Variants in CLCN5 observed in about 807,000 individuals in gnomAD.
CLCN5 encodes the protein Cl-/H+ antiporter 5, also known as H(+)/Cl(-) exchange transporter 5.
CLCN5 carries 17 observed loss-of-function variants against 54.0 expected under a neutral mutation model. The observed-to-expected ratio is 0.31, with a 90% CI of 0.22 to 0.47. The LOEUF (loss-of-function observed/expected upper bound fraction) is 0.47. CLCN5 is among the 20% of genes least tolerant of loss of function. The probability of loss-of-function intolerance (pLI) is 1.00; values close to 1 mark genes in which losing one functional copy is unlikely to be tolerated. For missense variants in CLCN5, 448 were observed against 646.7 expected (o/e 0.69, Z 3.33); for synonymous variants, 222 against 233.0 (o/e 0.95, Z 0.43).
chrX:50,070,829 A>G (rs1323994365), intron 5 of CLCN5, among the ~76,000 whole-genome samples: 1 of 110,999 alleles, frequency 9.0e-6, no homozygotes, highest in East Asian at 2.8e-4. Flanking sequence ...TGCCAAGGTC[A>G]TTTGCCTTTA....
intron 3 of CLCN5, among the ~76,000 whole-genome samples, chrX:50,019,468 C>CTTTTTTT (rs1175073117): frequency 1.3e-4 from 6 of 47,676 alleles, no homozygotes; most frequent in African/African-American, 2.7e-4. Flanking sequence ...TTTTTTTTTT[C>CTTTTTTT]TTTTTTTTTT....
At chrX:50,082,123 G>A (rs1195631635) in intron 9 of CLCN5, among the ~76,000 whole-genome samples, 2 of 111,654 alleles carry the variant, frequency 1.8e-5, no homozygotes, top group Non-Finnish European at 3.8e-5. Flanking sequence ...TGTTCATACT[G>A]TAGAATACTT....
At position 49,997,056 on chromosome X, in the gene CLCN5, T is replaced by A. The variant is rs1174201703; in HGVS notation, c.17-45260T>A. ...CCTCCCCCTCTCTAAATTCTTGCATTTTGCATCACTGCCTTGTATCAGTAG... is the reference window on the plus strand; with the variant it reads ...CCTCCCCCTCTCTAAATTCTTGCATATTGCATCACTGCCTTGTATCAGTAG... On this transcript the variant is annotated intron_variant, in intron 3 of 14. Transcript: ENST00000376091. Among the ~76,000 whole-genome samples the A allele has an allele frequency of 5.4e-5, 6 of 112,046 alleles. No individual in the cohort carries two copies. The East Asian group carries it at 1.7e-3, about 31-fold the overall frequency.
Position 50,093,996 on chromosome X carries a change from AGAATCAGCG to A in CLCN5, c.*1779_*1787del, listed in dbSNP as rs1557195198. 2 of 111,271 alleles carry A rather than the reference AGAATCAGCG, an allele frequency of 1.8e-5. No individual in the cohort carries two copies. Among genetic ancestry groups the A allele is most frequent in the African/African-American group, 6.5e-5 (2 of 30,567 alleles). The allele number at this position is 111,271 out of a possible 1,213,427, so 9.2% of individuals were successfully genotyped here. On this transcript the variant is annotated 3_prime_UTR_variant, in exon 15 of 15. Transcript: ENST00000376091. Reference sequence around the variant, plus strand: ...GCACTTCTCATCATCCTTCCAGCCCAGAATCAGCGGTCATTCTGCATATTCCCACCAACC... The same window carrying A: ...GCACTTCTCATCATCCTTCCAGCCCAGTCATTCTGCATATTCCCACCAACC...
intron 3 of CLCN5, among the ~76,000 whole-genome samples, chrX:49,965,986 G>T (rs1927825381): frequency 9.0e-6 from 1 of 111,447 alleles, no homozygotes; most frequent in Non-Finnish European, 1.9e-5. Context: ...TTTATATATT[G>T]TTGGATTTGC....
chrX:50,078,039 A>G (rs1933516276), intron 7 of CLCN5, among the ~76,000 whole-genome samples: 1 of 102,275 alleles, frequency 9.8e-6, no homozygotes, highest in Non-Finnish European at 2.0e-5. Context: ...AAAAAAAAAA[A>G]AAATCCTCTC....
At chrX:50,063,867 A>T (rs1476432451) in intron 4 of CLCN5, among the ~76,000 whole-genome samples, 2 of 111,343 alleles carry the variant, frequency 1.8e-5, no homozygotes, top group Non-Finnish European at 3.8e-5. Flanking sequence ...ACGCAAATCA[A>T]TAAATGTAAT....
At position 50,092,150 on chromosome X, in the gene CLCN5, C is replaced by G; in HGVS notation, c.2382C>G (p.Thr794=). The G allele has an allele frequency of 8.3e-7, 1 of 1,203,969 alleles. No homozygotes were observed. Among genetic ancestry groups the G allele is most frequent in the Admixed American group, 2.2e-5 (1 of 45,961 alleles). ...TTAGGCGATTGCTTGGAATCATTAC[C>G]AAAAAGGATGTGTTAAAGCATATAG... ...THNGRLLGII[T]KKDVLKHIAQ... is the part of the protein sequence containing the mutation. The change falls in exon 15 of 15, where the codon ACC becomes ACG. Residue 794 remains threonine, a synonymous_variant. Coordinates refer to ENST00000376091, the MANE Select transcript of CLCN5 (RefSeq NM_001127898.4).
intron 3 of CLCN5, among the ~76,000 whole-genome samples, chrX:49,934,964 A>C (rs1200106671): frequency 8.9e-6 from 1 of 111,806 alleles, no homozygotes; most frequent in African/African-American, 3.3e-5. Flanking sequence ...GAATATTCCC[A>C]GGTTGAAATC....
chrX:49,936,505 C>A (rs1557169749), intron 3 of CLCN5, among the ~76,000 whole-genome samples: 1 of 112,049 alleles, frequency 8.9e-6, no homozygotes, highest in Non-Finnish European at 1.9e-5. Context: ...TTGGATGGGG[C>A]AAGGCTAATC....
At chrX:50,007,466 A>C in intron 3 of CLCN5, among the ~76,000 whole-genome samples, 1 of 105,075 alleles carries the variant, frequency 9.5e-6, no homozygotes, top group Non-Finnish European at 1.9e-5. Flanking sequence ...ACACACACAC[A>C]CACACACAGA....
At chrX:50,051,783 A>G (rs907704023) in intron 4 of CLCN5, among the ~76,000 whole-genome samples, 2 of 111,643 alleles carry the variant, frequency 1.8e-5, no homozygotes, top group Non-Finnish European at 3.8e-5. Context: ...ACTATTGTAA[A>G]TAGTATTGCT....
chrX:49,933,486 G>T (rs781883774), intron 3 of CLCN5, among the ~76,000 whole-genome samples: 227 of 112,080 alleles, frequency 2.0e-3, no homozygotes, highest in Non-Finnish European at 3.4e-3. Context: ...CTGAACCCAG[G>T]TCTGCCATTT....
At chrX:50,008,156 A>G (rs1434739701) in intron 3 of CLCN5, among the ~76,000 whole-genome samples, 1 of 112,301 alleles carries the variant, frequency 8.9e-6, no homozygotes, top group Non-Finnish European at 1.9e-5. Context: ...TTCTTGTTGC[A>G]TAGTCACACA....
intron 8 of CLCN5, 118 bp downstream of exon 8, chrX:50,080,834 C>G: frequency 1.6e-6 from 1 of 626,121 alleles, no homozygotes; most frequent in Non-Finnish European, 2.6e-6. Flanking sequence ...GGATCAGATC[C>G]TGAGGCCATC....
At position 50,092,903 on chromosome X, in the gene CLCN5, C is replaced by T. The variant is rs1324228829; in HGVS notation, c.*684C>T. 1 of 112,610 alleles carries T rather than the reference C, an allele frequency of 8.9e-6. No individual in the cohort carries two copies. The highest frequency in any genetic ancestry group is 1.9e-5 in the Non-Finnish European group (1 of 53,359). The allele number at this position is 112,610 out of a possible 1,213,427, so 9.3% of individuals were successfully genotyped here. ...TTATAGCTTGCTTGTTGCTGGTACT[C>T]TTTTGAAGTGCACAAAGATAAGTTA... On this transcript the variant is annotated 3_prime_UTR_variant, in exon 15 of 15. Transcript: ENST00000376091.
intron 3 of CLCN5, among the ~76,000 whole-genome samples, chrX:50,010,186 CTT>C (rs1930424925): frequency 9.2e-6 from 1 of 108,996 alleles, no homozygotes; most frequent in Admixed American, 9.9e-5. Context: ...TTTTCTTTTT[CTT>C]TCTCTTTCTT....
intron 3 of CLCN5, among the ~76,000 whole-genome samples, chrX:50,026,876 A>G (rs1931418572): frequency 9.0e-6 from 1 of 111,598 alleles, no homozygotes; most frequent in Admixed American, 9.5e-5. Flanking sequence ...ATGCGTAGGT[A>G]TAGATTTTTT....
intron 3 of CLCN5, among the ~76,000 whole-genome samples, chrX:49,961,125 G>A (rs989456208): frequency 8.9e-6 from 1 of 112,288 alleles, no homozygotes; most frequent in Admixed American, 9.4e-5. Context: ...GTATGAAGCA[G>A]GAGGAACAGA....
Sources: gnomAD v4.1 joint callset for allele counts (sites outside exome capture counted in the v4.1 genomes callset) on GRCh38, gnomAD v4.1.1 for gene constraint, MANE v1.5 for transcripts, NCBI Gene and HGNC (gene_info 2026-07-23, HGNC 2026-07-21) for gene names.